SLC31A1: variants seen among roughly 807,000 people sequenced by gnomAD.
SLC31A1 encodes high affinity copper uptake protein 1.
Under a neutral mutation model 17.2 loss-of-function variants are expected in SLC31A1, and 5 were observed. The observed-to-expected ratio is 0.29, with a 90% CI of 0.15 to 0.61. The LOEUF (loss-of-function observed/expected upper bound fraction) is 0.61, where lower values mean the gene tolerates loss of function less well. Among genes scored for constraint, SLC31A1 ranks in the 20% least tolerant of loss-of-function variants. The probability of loss-of-function intolerance (pLI) is 0.86; values close to 1 mark genes in which losing one functional copy is unlikely to be tolerated. For synonymous variants in SLC31A1, 76 were observed against 78.8 expected (o/e 0.96, Z 0.19); for missense variants, 161 against 241.4 (o/e 0.67, Z 2.21).
chr9:113,257,076 A>G (rs959897018), intron 2 of SLC31A1, 37 bp from the exon 3 acceptor site: 31 of 1,539,220 alleles, frequency 2.0e-5, no homozygotes, highest in Non-Finnish European at 2.6e-5. Context: ...TAGAATTTTC[A>G]TTCATCTCTA....
In SLC31A1 at chr9:113,261,539, TCA is replaced by T. The variant is rs1831793950; in HGVS notation, c.*1069_*1070del. The T allele has an allele frequency of 6.6e-6, 1 of 152,648 alleles. No individual in the cohort carries two copies. Among genetic ancestry groups the T allele is most frequent in the Admixed American group, 6.5e-5 (1 of 15,288 alleles). The allele number at this position is 152,648 out of a possible 1,614,324, so 9.5% of individuals were successfully genotyped here. A position where few individuals can be genotyped will look rare whatever the true frequency, so the allele number is the denominator to read the frequency against. ...AATAGATATTTTTAAATAAAACCATTCACAGTTTACTTTGTCTTGATACCTTG... is the reference window on the plus strand; with the variant it reads ...AATAGATATTTTTAAATAAAACCATTCAGTTTACTTTGTCTTGATACCTTG... On this transcript the variant is annotated 3_prime_UTR_variant, in exon 5 of 5. Transcript: ENST00000374212.
At chr9:113,234,792 A>C (rs1203096445) in intron 1 of SLC31A1, among the ~76,000 whole-genome samples, 3 of 152,120 alleles carry the variant, frequency 2.0e-5, no homozygotes, top group African/African-American at 7.2e-5. Context: ...GAAAGTAATT[A>C]ACATTTATTG....
At chr9:113,224,900 TAAAAC>T (rs1831324206) in intron 1 of SLC31A1, among the ~76,000 whole-genome samples, 2 of 152,374 alleles carry the variant, frequency 1.3e-5, no homozygotes, top group Non-Finnish European at 1.5e-5. Context: ...TTTGCCTTTG[TAAAAC>T]AGGCATAATG....
chr9:113,242,089 T>C (rs1831527423), intron 1 of SLC31A1, among the ~76,000 whole-genome samples: 1 of 152,208 alleles, frequency 6.6e-6, no homozygotes, highest in South Asian at 2.1e-4. Context: ...CTTGGGAGGC[T>C]GAGGCAGGAG....
chr9:113,230,468 G>A lies in SLC31A1; in HGVS notation c.-36+8790G>A, dbSNP rs116422022. On this transcript the variant is annotated intron_variant, in intron 1 of 4. Transcript: ENST00000374212. ...GAGACAAGGCCTCACTATGTTGCCCGGGCTGGTCTTGAACTCCTGGACTCA... is the reference window on the plus strand; with the variant it reads ...GAGACAAGGCCTCACTATGTTGCCCAGGCTGGTCTTGAACTCCTGGACTCA... Among the ~76,000 whole-genome samples, 865 of 152,108 alleles carry A rather than the reference G, an allele frequency of 5.7e-3. 11 individuals are homozygous for A. Among genetic ancestry groups the A allele is most frequent in the African/African-American group, 0.02 (838 of 41,458 alleles).
At chr9:113,223,327 T>TAA (rs5900047) in intron 1 of SLC31A1, 122 of 316,408 alleles carry the variant, frequency 3.9e-4, no homozygotes, top group East Asian at 9.9e-4. Flanking sequence ...TGGGTGCACC[T>TAA]AAAAAAAAAA....
At chr9:113,242,168 G>A (rs1288026537) in intron 1 of SLC31A1, among the ~76,000 whole-genome samples, 1 of 152,062 alleles carries the variant, frequency 6.6e-6, no homozygotes, top group Non-Finnish European at 1.5e-5. Flanking sequence ...CAGTCTGGGT[G>A]ACACAGCGAG....
chr9:113,237,850 A>G (rs1831478908), intron 1 of SLC31A1, among the ~76,000 whole-genome samples: 1 of 152,238 alleles, frequency 6.6e-6, no homozygotes, highest in South Asian at 2.1e-4. Context: ...CTTAGAATCA[A>G]TCAATCAACA....
intron 1 of SLC31A1, among the ~76,000 whole-genome samples, chr9:113,234,270 G>A (rs946328094): frequency 9.2e-5 from 14 of 151,634 alleles, no homozygotes; most frequent in African/African-American, 3.4e-4. Context: ...GCGTGATCTT[G>A]GCTCACTGCA....
At chr9:113,242,451 A>AGTACAGTG (rs1831532207) in intron 1 of SLC31A1, among the ~76,000 whole-genome samples, 1 of 152,132 alleles carries the variant, frequency 6.6e-6, no homozygotes, top group Admixed American at 6.5e-5. Context: ...CCCAGGCTGG[A>AGTACAGTG]GTACAGTGGT....
chr9:113,225,399 G>A (rs72758251), intron 1 of SLC31A1, among the ~76,000 whole-genome samples: 17 of 152,330 alleles, frequency 1.1e-4, no homozygotes, highest in Non-Finnish European at 2.2e-4. Context: ...TAAATGGCAT[G>A]ATTGATGTAA....
intron 1 of SLC31A1, among the ~76,000 whole-genome samples, chr9:113,249,467 A>G (rs1831622017): frequency 6.6e-6 from 1 of 151,900 alleles, no homozygotes; most frequent in Non-Finnish European, 1.5e-5. Flanking sequence ...CCCGGGTTCA[A>G]GCAATTATCC....
intron 1 of SLC31A1, among the ~76,000 whole-genome samples, chr9:113,224,717 C>T (rs539414534): frequency 3.9e-4 from 59 of 152,324 alleles, no homozygotes; most frequent in Admixed American, 6.5e-4. Context: ...CGTGGGCCAA[C>T]GCACCCGGCC....
At chr9:113,245,912 G>T (rs955202512) in intron 1 of SLC31A1, among the ~76,000 whole-genome samples, 9 of 151,908 alleles carry the variant, frequency 5.9e-5, no homozygotes, top group Middle Eastern at 3.2e-3. Context: ...AGGATTACAG[G>T]TGTGAGCCAC....
chr9:113,260,413 A>T lies in SLC31A1; in HGVS notation c.513A>T (p.Gly171=), dbSNP rs1831778593. The T allele has an allele frequency of 1.2e-6, 2 of 1,614,186 alleles. No homozygotes were observed. The highest frequency in any genetic ancestry group is 2.7e-5 in the African/African-American group (2 of 75,032). Reference sequence around the variant, plus strand: ...CAGTAGCAGCAGGGGCCGGTACAGGATACTTCCTCTTCAGCTGGAAGAAGG... The same window carrying T: ...CAGTAGCAGCAGGGGCCGGTACAGGTTACTTCCTCTTCAGCTGGAAGAAGG... ...CIAVAAGAGT[G]YFLFSWKKAV... Residue 171 remains glycine, a synonymous_variant, in exon 5 of 5, where the codon GGA becomes GGT. Coordinates refer to ENST00000374212, the MANE Select transcript of SLC31A1 (RefSeq NM_001859.4).
At chr9:113,238,241 C>A (rs987697198) in intron 1 of SLC31A1, among the ~76,000 whole-genome samples, 4 of 152,158 alleles carry the variant, frequency 2.6e-5, no homozygotes, top group African/African-American at 9.7e-5. Flanking sequence ...GGCAATGCTA[C>A]TGGCATTGAG....
chr9:113,263,603 G>A lies in SLC31A1; in HGVS notation c.*3130G>A, dbSNP rs976339194. The A allele has an allele frequency of 6.6e-5, 10 of 152,496 alleles. No individual in the cohort carries two copies. The highest frequency in any genetic ancestry group is 2.2e-4 in the African/African-American group (9 of 41,376). 9.4% of individuals were successfully genotyped at this position (152,496 alleles called of 1,614,324 possible). On this transcript the variant is annotated 3_prime_UTR_variant, in exon 5 of 5. Coordinates refer to ENST00000374212, the MANE Select transcript of SLC31A1 (RefSeq NM_001859.4). Reference sequence around the variant, plus strand: ...TATATTAAGTCTCCATAGCCCTCCTGATGCAGTAGACAGTGCTATGCTGTG... The same window carrying A: ...TATATTAAGTCTCCATAGCCCTCCTAATGCAGTAGACAGTGCTATGCTGTG...
intron 1 of SLC31A1, among the ~76,000 whole-genome samples, chr9:113,230,939 G>A (rs1045343926): frequency 2.0e-5 from 3 of 152,112 alleles, no homozygotes; most frequent in Non-Finnish European, 4.4e-5. Flanking sequence ...TCAATAGCAA[G>A]TTTAAGCCAG....
chr9:113,257,609 C>T (rs887675266), intron 3 of SLC31A1, among the ~76,000 whole-genome samples: 2 of 151,554 alleles, frequency 1.3e-5, no homozygotes. Flanking sequence ...CCTCAGCCTC[C>T]TGAGTAGCTG....
Sources: allele counts gnomAD v4.1 joint callset (sites outside exome capture counted in the v4.1 genomes callset), GRCh38; gene constraint gnomAD v4.1.1; transcripts MANE v1.5; gene names NCBI Gene and HGNC (gene_info 2026-07-23, HGNC 2026-07-21).